The following CDH5 variants were observed in gnomAD, a reference collection of about 807,000 sequenced individuals.
CDH5 encodes the protein cadherin 5.
In CDH5, 28 loss-of-function variants were observed where a neutral mutation model predicts 62.0. That is an observed-to-expected ratio of 0.45 (90% confidence interval 0.33 to 0.62). CDH5 has a LOEUF of 0.62. Ranked by LOEUF, CDH5 falls within the 20% of genes least tolerant of loss-of-function variation. The pLI is 0.02. For missense variants in CDH5, 940 were observed against 1,065.1 expected (o/e 0.88, Z 1.63); for synonymous variants, 464 against 445.8 (o/e 1.04, Z -0.52).
chr16:66,372,970 C>T (rs1249432627), intron 1 of CDH5, among the ~76,000 whole-genome samples: 2 of 152,200 alleles, frequency 1.3e-5, no homozygotes, highest in Non-Finnish European at 2.9e-5. Flanking sequence ...ATCCTGGATG[C>T]CTGGGACACT....
At chr16:66,401,754 C>T (rs944963068) in intron 11 of CDH5, among the ~76,000 whole-genome samples, 23 of 152,302 alleles carry the variant, frequency 1.5e-4, no homozygotes, top group African/African-American at 5.5e-4. Context: ...CGTGGGGCCA[C>T]CCCCCAGCAT....
chr16:66,397,931 C>A (rs749359839), intron 8 of CDH5, 51 bp from the exon 9 acceptor site: 1 of 1,612,098 alleles, frequency 6.2e-7, no homozygotes, highest in Non-Finnish European at 8.5e-7. Context: ...TTCCACCGCC[C>A]AAGGCCAGCA....
At position 66,400,883 on chromosome 16, in the gene CDH5, C is replaced by G; in HGVS notation, c.1704C>G (p.Thr568=). 1 of 1,614,208 alleles carries G rather than the reference C, an allele frequency of 6.2e-7. No individual in the cohort carries two copies. Among genetic ancestry groups the G allele is most frequent in the Non-Finnish European group, 8.5e-7 (1 of 1,180,050 alleles). Residue 568 remains threonine, a synonymous_variant, in exon 11 of 12, where the codon ACC becomes ACG. Transcript: ENST00000341529. The part of the protein sequence containing the change: ...SDNGMPSRTG[T]STLTVAVCKC... ...ATGGGATGCCAAGTCGCACGGGCACCAGCACGCTGACCGTGGCCGTGTGCA... is the reference window on the plus strand; with the variant it reads ...ATGGGATGCCAAGTCGCACGGGCACGAGCACGCTGACCGTGGCCGTGTGCA...
chr16:66,376,117 TAAATA>T, intron 1 of CDH5, among the ~76,000 whole-genome samples: 1 of 43,966 alleles, frequency 2.3e-5, no homozygotes, highest in Non-Finnish European at 3.7e-5. Flanking sequence ...AAATAATAAA[TAAATA>T]AATAAATAAA....
intron 11 of CDH5, among the ~76,000 whole-genome samples, chr16:66,402,420 G>A (rs571779389): frequency 1.0e-3 from 48 of 46,512 alleles, no homozygotes; most frequent in Admixed American, 5.5e-3. Context: ...CAGGGACGGG[G>A]TGTGGGGTGT....
intron 1 of CDH5, among the ~76,000 whole-genome samples, chr16:66,369,881 A>G (rs1230029807): frequency 6.6e-6 from 1 of 152,144 alleles, no homozygotes; most frequent in African/African-American, 2.4e-5. Flanking sequence ...TGTCTGCCAT[A>G]GGTGTGGAAA....
intron 1 of CDH5, among the ~76,000 whole-genome samples, chr16:66,372,454 T>C (rs1960708792): frequency 6.6e-6 from 1 of 152,114 alleles, no homozygotes; most frequent in Admixed American, 6.5e-5. Context: ...CCAAACCTGG[T>C]GGGGTGGGGA....
chr16:66,369,214 G>A (rs1002272076), intron 1 of CDH5, among the ~76,000 whole-genome samples: 3 of 152,162 alleles, frequency 2.0e-5, no homozygotes, highest in East Asian at 1.9e-4. Context: ...GGGGCAGGCC[G>A]GGCTGGTGGT....
rs777103847 is a variant in CDH5 at position 66,402,963 on chromosome 16, G to A, written c.2149G>A (p.Asp717Asn). 8 of 1,612,782 alleles carry A rather than the reference G, an allele frequency of 5.0e-6. No individual in the cohort carries two copies. The Admixed American group carries it at 1.0e-4, about 20-fold the overall frequency. Reference protein sequence around the residue: ...AMIEVKKDEADHDGDGPPYDT... With the variant: ...AMIEVKKDEANHDGDGPPYDT... The stretch of plus-strand genomic sequence containing the variant: ...GATCGAGGTGAAGAAGGACGAGGCG[G>A]ACCACGACGGCGACGGCCCCCCCTA... Residue 717 changes from aspartate to asparagine, a missense_variant, in exon 12 of 12, where the codon GAC becomes AAC. Transcript: ENST00000341529.
At chr16:66,379,671 T>A (rs1265605645) in intron 2 of CDH5, 124 bp downstream of exon 2, 2 of 796,456 alleles carry the variant, frequency 2.5e-6, no homozygotes, top group Non-Finnish European at 4.1e-6. Context: ...GGAGTGGAGA[T>A]GATAAGGGTG....
chr16:66,379,135 CGACCTTTCATCCGAGT>C, intron 1 of CDH5, 168 bp from the exon 2 acceptor site: 2 of 545,594 alleles, frequency 3.7e-6, no homozygotes, highest in East Asian at 5.9e-5. Context: ...GTCCTAAAAC[CGACCTTTCATCCGAGT>C]GCATGACTGC....
chr16:66,400,694 G>T, intron 10 of CDH5, 77 bp from the exon 11 acceptor site: 1 of 1,583,214 alleles, frequency 6.3e-7, no homozygotes, highest in Non-Finnish European at 8.7e-7. Context: ...TGCAGTCAGG[G>T]AGGGCTTCCT....
At chr16:66,368,469 A>C (rs1002511132) in intron 1 of CDH5, among the ~76,000 whole-genome samples, 1 of 152,220 alleles carries the variant, frequency 6.6e-6, no homozygotes, top group African/African-American at 2.4e-5. Flanking sequence ...AGGGCCGGAC[A>C]TGAGGGCAGG....
At chr16:66,377,504 C>T (rs1272852350) in intron 1 of CDH5, 2 of 152,284 alleles carry the variant, frequency 1.3e-5, no homozygotes, top group African/African-American at 4.8e-5. Flanking sequence ...CTCAGCCCTC[C>T]CTGAGGTCAG....
chr16:66,381,515 A>C (rs2142319016), intron 2 of CDH5, among the ~76,000 whole-genome samples: 1 of 152,334 alleles, frequency 6.6e-6, no homozygotes, highest in African/African-American at 2.4e-5. Flanking sequence ...GTTTTCAATG[A>C]GGAAGAAAGT....
chr16:66,369,751 G>T (rs987582485), intron 1 of CDH5, among the ~76,000 whole-genome samples: 3 of 152,156 alleles, frequency 2.0e-5, no homozygotes, highest in African/African-American at 7.2e-5. Context: ...TCACAAAATA[G>T]GTCTGGCCAG....
intron 7 of CDH5, among the ~76,000 whole-genome samples, chr16:66,393,556 C>T (rs1235418339): frequency 6.6e-6 from 1 of 152,130 alleles, no homozygotes; most frequent in African/African-American, 2.4e-5. Context: ...ATGGAGCTAA[C>T]CCATTCATGA....
intron 6 of CDH5, among the ~76,000 whole-genome samples, chr16:66,390,928 G>A (rs1186027828): frequency 1.3e-5 from 2 of 152,220 alleles, no homozygotes; most frequent in Non-Finnish European, 2.9e-5. Flanking sequence ...GCTGTCCGTG[G>A]TGTTGACTGG....
chr16:66,385,314 A>G (rs1215141396), intron 2 of CDH5, among the ~76,000 whole-genome samples: 1 of 152,204 alleles, frequency 6.6e-6, no homozygotes, highest in East Asian at 1.9e-4. Context: ...TGTTTGGTGT[A>G]AGATGCTTTA....
Sources: gnomAD v4.1 joint callset for allele counts (sites outside exome capture counted in the v4.1 genomes callset) on GRCh38, gnomAD v4.1.1 for gene constraint, MANE v1.5 for transcripts, NCBI Gene and HGNC (gene_info 2026-07-23, HGNC 2026-07-21) for gene names.